AOAH: variants seen among roughly 807,000 people sequenced by gnomAD.
AOAH encodes acyloxyacyl hydrolase, also known as acyloxyacyl hydrolase (neutrophil).
A neutral mutation model predicts 92.2 loss-of-function variants in AOAH; 64 were observed. That is an observed-to-expected ratio of 0.69 (90% CI 0.57 to 0.86). The LOEUF is 0.86. AOAH is among the 40% of genes least tolerant of loss of function. The pLI is 0.00. For missense variants in AOAH, 656 were observed against 694.6 expected, an observed-to-expected ratio of 0.94 and a Z score of 0.62; for synonymous variants, 263 against 254.5, an observed-to-expected ratio of 1.03 and a Z score of -0.32.
At chr7:36,544,874 G>C (rs1480827387) in intron 15 of AOAH, among the ~76,000 whole-genome samples, 1 of 152,130 alleles carries the variant, frequency 6.6e-6, no homozygotes, top group African/African-American at 2.4e-5. Flanking sequence ...CAGAAAACCA[G>C]CTTCCTGGAA....
intron 3 of AOAH, among the ~76,000 whole-genome samples, chr7:36,670,033 G>A (rs1370253352): frequency 6.6e-6 from 1 of 151,904 alleles, no homozygotes; most frequent in African/African-American, 2.4e-5. Flanking sequence ...AGGTTCTTAG[G>A]GGAACCCCTG....
intron 1 of AOAH, among the ~76,000 whole-genome samples, chr7:36,701,859 T>C (rs1239926954): frequency 6.6e-6 from 1 of 152,106 alleles, no homozygotes; most frequent in East Asian, 1.9e-4. Context: ...TCTTGTTTAC[T>C]ATCTGTTTTG....
chr7:36,602,921 C>T (rs1211416802), intron 11 of AOAH, among the ~76,000 whole-genome samples: 1 of 152,146 alleles, frequency 6.6e-6, no homozygotes, highest in Non-Finnish European at 1.5e-5. Flanking sequence ...TCCGCTCTTT[C>T]ACTTTATACC....
chr7:36,602,385 C>A (rs1790676729), intron 11 of AOAH, among the ~76,000 whole-genome samples: 1 of 151,808 alleles, frequency 6.6e-6, no homozygotes, highest in African/African-American at 2.4e-5. Flanking sequence ...CTGCCGCATA[C>A]CAAATGAGAA....
At chr7:36,578,914 C>A (rs1402369410) in intron 12 of AOAH, among the ~76,000 whole-genome samples, 2 of 152,136 alleles carry the variant, frequency 1.3e-5, no homozygotes, top group Non-Finnish European at 2.9e-5. Flanking sequence ...GGAAGCATAG[C>A]AGCATCTGTT....
chr7:36,557,188 A>T (rs994475512), intron 13 of AOAH, among the ~76,000 whole-genome samples: 2 of 152,016 alleles, frequency 1.3e-5, no homozygotes, highest in African/African-American at 4.8e-5. Flanking sequence ...TGGTGGTGAC[A>T]AAATCTCTCA....
intron 1 of AOAH, among the ~76,000 whole-genome samples, chr7:36,720,975 T>C (rs556510423): frequency 2.3e-4 from 35 of 152,138 alleles, no homozygotes; most frequent in Non-Finnish European, 4.4e-4. Flanking sequence ...TCTTTTCTCC[T>C]CTCTTCCACA....
chr7:36,591,484 T>A (rs1789739021), intron 12 of AOAH, among the ~76,000 whole-genome samples: 1 of 152,182 alleles, frequency 6.6e-6, no homozygotes, highest in Non-Finnish European at 1.5e-5. Context: ...TGTGAGATGG[T>A]GTCAGAATTT....
intron 12 of AOAH, among the ~76,000 whole-genome samples, chr7:36,581,180 C>G (rs1415492341): frequency 6.6e-6 from 1 of 152,170 alleles, no homozygotes; most frequent in Non-Finnish European, 1.5e-5. Context: ...TAACCAATCC[C>G]CAAGTCTTCT....
chr7:36,601,755 T>A (rs1000018486), intron 11 of AOAH, among the ~76,000 whole-genome samples: 2 of 151,320 alleles, frequency 1.3e-5, no homozygotes, highest in African/African-American at 2.4e-5. Flanking sequence ...AAGAAAGGAG[T>A]CTTGAAGGAA....
intron 16 of AOAH, among the ~76,000 whole-genome samples, chr7:36,533,422 G>C (rs764052256): frequency 6.6e-6 from 1 of 152,110 alleles, no homozygotes; most frequent in Non-Finnish European, 1.5e-5. Flanking sequence ...TTGTCAGAGA[G>C]AAAAAATTTA....
chr7:36,515,020 T>G (rs1268958136), intron 20 of AOAH, among the ~76,000 whole-genome samples: 1 of 151,780 alleles, frequency 6.6e-6, no homozygotes, highest in African/African-American at 2.4e-5. Flanking sequence ...CTGCGTAATC[T>G]CGGTCATGTC....
rs1420447078 is a variant in AOAH, at chr7:36,621,744, T to C, written c.619A>G (p.Asn207Asp). The change falls in exon 8 of 21, where the codon AAT becomes GAT. Residue 207 changes from asparagine to aspartate, a missense_variant. Asn to Asp is a conservative substitution (Grantham distance 23). Coordinates refer to ENST00000617537, the MANE Select transcript of AOAH (RefSeq NM_001637.4). The part of the protein sequence containing the change: ...RGYHWRGRDC[N>D]DSDESVYPGR... ...GGGTACACTGACTCGTCGCTGTCAT[T>C]ACAGTCTCTCCCCCGCCAGTGATAG... The C allele has an allele frequency of 2.5e-6, 4 of 1,614,126 alleles. No homozygotes were observed. The highest frequency in any genetic ancestry group is 3.4e-6 in the Non-Finnish European group (4 of 1,180,006).
At chr7:36,650,398 A>C (rs1458689273) in intron 4 of AOAH, among the ~76,000 whole-genome samples, 2 of 152,158 alleles carry the variant, frequency 1.3e-5, no homozygotes, top group African/African-American at 4.8e-5. Context: ...GTTGGGGAAA[A>C]GGATGCAGTT....
At chr7:36,558,398 G>A (rs1026638458) in intron 13 of AOAH, among the ~76,000 whole-genome samples, 1 of 152,182 alleles carries the variant, frequency 6.6e-6, no homozygotes. Context: ...TGCCCCTACT[G>A]GGGGGTGCCT....
Position 36,561,557 on chromosome 7 carries a change from TC to T in AOAH, c.1022-12083del, listed in dbSNP as rs564265812. 1.8e-3 allele frequency among the ~76,000 whole-genome samples: 279 copies of T among 152,260 alleles called. 1 individual carries two copies. The highest frequency in any genetic ancestry group is 6.4e-3 in the African/African-American group (267 of 41,540). ...GCACAGCCCCCATGCGCTGTGTTGATCTTGCGGTGGCACACGCATCGGCTGG... is the reference window on the plus strand; with the variant it reads ...GCACAGCCCCCATGCGCTGTGTTGATTTGCGGTGGCACACGCATCGGCTGG... On this transcript the variant is annotated intron_variant, in intron 13 of 20. Coordinates refer to ENST00000617537, the MANE Select transcript of AOAH (RefSeq NM_001637.4).
intron 3 of AOAH, among the ~76,000 whole-genome samples, chr7:36,663,319 C>T (rs901063175): frequency 2.0e-5 from 3 of 152,154 alleles, no homozygotes; most frequent in Non-Finnish European, 4.4e-5. Flanking sequence ...ACATTATCAT[C>T]GTCCAAAGTG....
At chr7:36,649,756 G>C (rs1794453938) in intron 4 of AOAH, among the ~76,000 whole-genome samples, 1 of 152,066 alleles carries the variant, frequency 6.6e-6, no homozygotes, top group African/African-American at 2.4e-5. Flanking sequence ...GCTTTCACTT[G>C]CTGTCCACCA....
In AOAH at chr7:36,514,771, G is replaced by A. The variant is rs566369207; in HGVS notation, c.1600-1391C>T. 9 of 561,646 alleles carry A rather than the reference G, an allele frequency of 1.6e-5. No homozygotes were observed. In the East Asian group the frequency reaches 1.8e-4, roughly 12 times the overall value. The allele number at this position is 561,646 out of a possible 1,614,324, so 34.8% of individuals were successfully genotyped here. A position where few individuals can be genotyped will look rare whatever the true frequency, so the allele number is the denominator to read the frequency against. On this transcript the variant is annotated intron_variant, in intron 20 of 20. Coordinates refer to ENST00000617537, the MANE Select transcript of AOAH (RefSeq NM_001637.4). ...GGGATATCCCTGACTTTTCCCCACA[G>A]GGCAGCTCACAGTCCCCTTCCTAAT... is the stretch of plus-strand genomic sequence containing the variant.
Sources: allele counts gnomAD v4.1 joint callset (sites outside exome capture counted in the v4.1 genomes callset), GRCh38; gene constraint gnomAD v4.1.1; transcripts MANE v1.5; gene names NCBI Gene and HGNC (gene_info 2026-07-23, HGNC 2026-07-21).